Variants in CUX2 observed in about 807,000 individuals in gnomAD.
CUX2 encodes cut like homeobox 2.
A neutral mutation model predicts 144.8 loss-of-function variants in CUX2; 40 were observed. The observed-to-expected ratio is 0.28, with a 90% CI of 0.21 to 0.36. The LOEUF (loss-of-function observed/expected upper bound fraction) is 0.36. CUX2 is among the 10% of genes least tolerant of loss of function. The pLI, the probability that CUX2 is intolerant of heterozygous loss-of-function variation, is 1.00. For synonymous variants in CUX2, 827 were observed against 875.6 expected (o/e 0.94, Z 0.98); for missense variants, 1,615 against 1,994.0 (o/e 0.81, Z 3.62).
chr12:111,104,562 A>G (rs1310272427), intron 1 of CUX2, among the ~76,000 whole-genome samples: 2 of 152,254 alleles, frequency 1.3e-5, no homozygotes, highest in Non-Finnish European at 2.9e-5. Flanking sequence ...TGGCTGTGTG[A>G]TGCAGGGCAA....
chr12:111,343,782 C>T (rs547684600), intron 21 of CUX2, among the ~76,000 whole-genome samples: 11 of 152,116 alleles, frequency 7.2e-5, no homozygotes, highest in Non-Finnish European at 1.2e-4. Flanking sequence ...TGGTTTTGAC[C>T]GGGCGCAGTG....
At chr12:111,099,365 A>G in intron 1 of CUX2, 1 of 356,418 alleles carries the variant, frequency 2.8e-6, no homozygotes, top group South Asian at 2.1e-5. Context: ...TTTGGGGTCT[A>G]GGCCTCTGAG....
At chr12:111,110,700 G>A (rs150346744) in intron 1 of CUX2, among the ~76,000 whole-genome samples, 9 of 152,336 alleles carry the variant, frequency 5.9e-5, no homozygotes, top group African/African-American at 2.2e-4. Context: ...GGTCTTGTCA[G>A]GCTCTATCAA....
At chr12:111,314,681 TA>T (rs1191772342) in intron 16 of CUX2, among the ~76,000 whole-genome samples, 1 of 93,948 alleles carries the variant, frequency 1.1e-5, no homozygotes, top group Non-Finnish European at 2.2e-5. Context: ...CCATCTCCTC[TA>T]AAAATACAAA....
At chr12:111,298,262 G>A (rs1227975391) in intron 8 of CUX2, among the ~76,000 whole-genome samples, 2 of 152,212 alleles carry the variant, frequency 1.3e-5, no homozygotes, top group African/African-American at 4.8e-5. Context: ...TCTTGAGGAT[G>A]GGCATTCCAG....
rs200420920 is a variant in CUX2 at position 111,214,215 on chromosome 12, G to A, written c.79G>A (p.Val27Ile). The A allele has an allele frequency of 2.6e-5, 39 of 1,496,772 alleles. No individual in the cohort carries two copies. The highest frequency in any genetic ancestry group is 6.6e-5 in the South Asian group (5 of 75,636). The allele number at this position is 1,496,772 out of a possible 1,614,324, so 92.7% of individuals were successfully genotyped here. A position where few individuals can be genotyped will look rare whatever the true frequency, so the allele number is the denominator to read the frequency against. Reference protein sequence around the residue: ...LRRLQKELNSVASELSARQEE... With the variant: ...LRRLQKELNSIASELSARQEE... ...ATTGTTCCAGAAGGAGCTTAATTCC[G>A]TCGCTTCTGAGCTGTCTGCACGGCA... Residue 27 changes from valine (V) to isoleucine (I), a missense_variant, in exon 2 of 22, where the codon GTC becomes ATC. Physicochemically the swap from Val to Ile is conservative, Grantham distance 29. Coordinates refer to ENST00000261726, the MANE Select transcript of CUX2 (RefSeq NM_015267.4).
chr12:111,119,328 C>CA (rs1381784628), intron 1 of CUX2, among the ~76,000 whole-genome samples: 1 of 152,062 alleles, frequency 6.6e-6, no homozygotes, highest in African/African-American at 2.4e-5. Context: ...ATTGGCTAGG[C>CA]ATGGTGGCTC....
At chr12:111,328,580 T>TTG (rs568983449) in intron 18 of CUX2, among the ~76,000 whole-genome samples, 19,608 of 135,580 alleles carry the variant, frequency 0.14, 1,543 homozygotes, top group East Asian at 0.31. Context: ...CCAATTTCTT[T>TTG]TGTGTGTGTG....
chr12:111,258,723 T>C (rs59072658), intron 3 of CUX2, among the ~76,000 whole-genome samples: 33,432 of 151,806 alleles, frequency 0.22, 4,030 homozygotes, highest in East Asian at 0.41. Flanking sequence ...TCTCATTCTA[T>C]TGCTCAGGCT....
In CUX2 at chr12:111,295,765, A is replaced by AATTAATTAATTTATTT. The variant is rs1555213130; in HGVS notation, c.637+367_637+368insTATTTATTAATTAATT. 6.6e-6 allele frequency among the ~76,000 whole-genome samples: 1 copy of AATTAATTAATTTATTT among 151,360 alleles called. No individual in the cohort carries two copies. The highest frequency in any genetic ancestry group is 2.0e-4 in the East Asian group (1 of 5,028). ...AGACCCTGTCTCTAATTAATTAATT[A>AATTAATTAATTTATTT]ATTAATTAATTAATTTAATACAACC... On this transcript the variant is annotated intron_variant, in intron 7 of 21. Coordinates refer to ENST00000261726, the MANE Select transcript of CUX2 (RefSeq NM_015267.4). The surrounding 1 kb of genome is among the most constrained non-coding windows in gnomAD (Gnocchi z 5.0).
At chr12:111,337,011 C>T (rs540978208) in intron 19 of CUX2, among the ~76,000 whole-genome samples, 5 of 151,586 alleles carry the variant, frequency 3.3e-5, no homozygotes, top group African/African-American at 1.2e-4. Context: ...CCCGTCTCTA[C>T]AAAAAATAGA....
chr12:111,134,620 C>CTG (rs750270262), intron 1 of CUX2, among the ~76,000 whole-genome samples: 2,621 of 142,146 alleles, frequency 0.018, 31 homozygotes, highest in East Asian at 0.027. Flanking sequence ...CTCTCTCTCT[C>CTG]TGTGTGTGTG....
At chr12:111,145,727 C>T (rs928961589) in intron 1 of CUX2, among the ~76,000 whole-genome samples, 7 of 152,008 alleles carry the variant, frequency 4.6e-5, no homozygotes, top group East Asian at 1.9e-4. Context: ...AGTGCAGTGG[C>T]GTGATCTCGG....
chr12:111,247,148 C>A (rs892407609), intron 3 of CUX2, among the ~76,000 whole-genome samples: 1 of 152,162 alleles, frequency 6.6e-6, no homozygotes, highest in African/African-American at 2.4e-5. Context: ...GGGAATCAAA[C>A]CCAGGCTCCT....
intron 1 of CUX2, among the ~76,000 whole-genome samples, chr12:111,060,275 A>T (rs1870709907): frequency 6.6e-6 from 1 of 152,176 alleles, no homozygotes; most frequent in African/African-American, 2.4e-5. Context: ...AGCCAGGGTT[A>T]AATTATTACC....
intron 1 of CUX2, among the ~76,000 whole-genome samples, chr12:111,106,310 C>T (rs1873602578): frequency 1.3e-5 from 2 of 151,024 alleles, no homozygotes; most frequent in South Asian, 4.2e-4. Flanking sequence ...GTCACCATGC[C>T]CAGCCCCAGC....
At chr12:111,085,006 C>T (rs1872125776) in intron 1 of CUX2, among the ~76,000 whole-genome samples, 1 of 152,182 alleles carries the variant, frequency 6.6e-6, no homozygotes, top group South Asian at 2.1e-4. Context: ...ATGTGCCAGG[C>T]ATTGTTCCAC....
rs1052195701 is a variant in CUX2, at chr12:111,171,523, G to A, written c.64-42677G>A. 6.6e-6 allele frequency among the ~76,000 whole-genome samples: 1 copy of A among 152,160 alleles called. No individual in the cohort carries two copies. Among genetic ancestry groups the A allele is most frequent in the African/African-American group, 2.4e-5 (1 of 41,438 alleles). On this transcript the variant is annotated intron_variant, in intron 1 of 21. Coordinates refer to ENST00000261726, the MANE Select transcript of CUX2 (RefSeq NM_015267.4). This position sits in a 1 kb window ranked among gnomAD's most constrained non-coding sequence, Gnocchi z 5.0. ...TTTCCATGGCTTGTGGGGAAACCCCGGTCCCGTGTCCCTGTGCACGCAGAT... is the reference window on the plus strand; with the variant it reads ...TTTCCATGGCTTGTGGGGAAACCCCAGTCCCGTGTCCCTGTGCACGCAGAT...
intron 4 of CUX2, among the ~76,000 whole-genome samples, chr12:111,280,440 G>A (rs536203833): frequency 1.1e-4 from 16 of 152,292 alleles, no homozygotes; most frequent in Non-Finnish European, 8.8e-5. Flanking sequence ...CTAGAGCCTT[G>A]GAGAGAGCAT....
Sources: allele counts gnomAD v4.1 joint callset (sites outside exome capture counted in the v4.1 genomes callset), GRCh38; gene constraint gnomAD v4.1.1; non-coding constraint Gnocchi (gnomAD v3.1); transcripts MANE v1.5; gene names NCBI Gene and HGNC (gene_info 2026-07-23, HGNC 2026-07-21).